Variants in WWOX observed in about 807,000 individuals in gnomAD.
WWOX encodes WW domain containing oxidoreductase.
In WWOX, 69 loss-of-function variants were observed where a neutral mutation model predicts 46.2. The observed-to-expected ratio is 1.49, with a 90% CI of 1.23 to 1.82. The LOEUF is 1.82. Among genes scored for constraint, WWOX ranks in the 40% most tolerant of loss-of-function variants. WWOX has a pLI of 0.00. For missense variants in WWOX, 919 were observed against 542.6 expected (o/e 1.69, Z -6.89); for synonymous variants, 359 against 202.6 (o/e 1.77, Z -6.56).
chr16:78,324,530 C>G (rs1027166467), intron 5 of WWOX, among the ~76,000 whole-genome samples: 3 of 152,068 alleles, frequency 2.0e-5, no homozygotes, highest in Non-Finnish European at 4.4e-5. Context: ...GGAAAAAACC[C>G]TAATGTCCAT....
intron 8 of WWOX, among the ~76,000 whole-genome samples, chr16:78,857,403 G>A (rs1051060779): frequency 6.6e-6 from 1 of 152,258 alleles, no homozygotes; most frequent in Admixed American, 6.5e-5. Context: ...TAAAAAAGAA[G>A]AGTTGTCCTG....
chr16:78,648,709 C>T (rs1051427079), intron 8 of WWOX, among the ~76,000 whole-genome samples: 6 of 152,184 alleles, frequency 3.9e-5, no homozygotes, highest in Non-Finnish European at 7.4e-5. Context: ...AGCCTCCAAT[C>T]GGAGCATACT....
At chr16:79,131,347 G>A (rs2049874445) in intron 8 of WWOX, among the ~76,000 whole-genome samples, 2 of 151,984 alleles carry the variant, frequency 1.3e-5, no homozygotes, top group South Asian at 4.2e-4. Context: ...TGCACATGAG[G>A]ACACAAAGAG....
intron 8 of WWOX, among the ~76,000 whole-genome samples, chr16:78,559,096 G>C (rs1031580693): frequency 2.0e-5 from 3 of 152,194 alleles, no homozygotes; most frequent in African/African-American, 7.2e-5. Context: ...GCTTGGGAGA[G>C]GGACAGTAGT....
At chr16:79,056,639 C>T (rs191506758) in intron 8 of WWOX, among the ~76,000 whole-genome samples, 1 of 152,276 alleles carries the variant, frequency 6.6e-6, no homozygotes. Flanking sequence ...AGCATCCCTT[C>T]CCCCTCTTGT....
At chr16:79,201,762 C>A (rs987742046) in intron 8 of WWOX, among the ~76,000 whole-genome samples, 1 of 149,780 alleles carries the variant, frequency 6.7e-6, no homozygotes, top group Admixed American at 6.7e-5. Flanking sequence ...TGACTTTTTT[C>A]TTCCATCCCT....
intron 8 of WWOX, among the ~76,000 whole-genome samples, chr16:78,823,457 C>T (rs768990672): frequency 1.3e-5 from 2 of 152,190 alleles, no homozygotes; most frequent in Non-Finnish European, 2.9e-5. Context: ...TTATCATCAC[C>T]TGAATGTTCA....
chr16:78,900,809 A>G (rs1282158730), intron 8 of WWOX, among the ~76,000 whole-genome samples: 16 of 151,348 alleles, frequency 1.1e-4, no homozygotes, highest in Non-Finnish European at 2.4e-4. Context: ...TTTGAAGGAT[A>G]TTAAATAAAA....
chr16:78,930,129 A>G (rs900324360), intron 8 of WWOX, among the ~76,000 whole-genome samples: 1 of 151,982 alleles, frequency 6.6e-6, no homozygotes, highest in Non-Finnish European at 1.5e-5. Context: ...GGGGTCTGGC[A>G]GAGAAACAAT....
At chr16:78,893,752 C>T (rs746986783) in intron 8 of WWOX, among the ~76,000 whole-genome samples, 3 of 152,160 alleles carry the variant, frequency 2.0e-5, no homozygotes, top group Non-Finnish European at 4.4e-5. Context: ...GTCTGTCATA[C>T]ATTACGTGCC....
chr16:78,249,104 C>G (rs984650673), intron 5 of WWOX, among the ~76,000 whole-genome samples: 2 of 152,114 alleles, frequency 1.3e-5, no homozygotes, highest in Admixed American at 6.5e-5. Context: ...CCTCCCACCT[C>G]GACCTCCCAA....
At chr16:78,184,719 G>A (rs1047016852) in intron 5 of WWOX, among the ~76,000 whole-genome samples, 1 of 152,022 alleles carries the variant, frequency 6.6e-6, no homozygotes, top group African/African-American at 2.4e-5. Flanking sequence ...TTTATGGTCG[G>A]TAATGCAACC....
intron 8 of WWOX, among the ~76,000 whole-genome samples, chr16:78,919,248 A>G (rs972158979): frequency 6.6e-6 from 1 of 151,956 alleles, no homozygotes; most frequent in Non-Finnish European, 1.5e-5. Context: ...TCTGGCAGAG[A>G]CACCCCCCCA....
chr16:78,952,361 ATTTTTGTT>A (rs955030041), intron 8 of WWOX, among the ~76,000 whole-genome samples: 4 of 145,634 alleles, frequency 2.7e-5, no homozygotes, highest in Non-Finnish European at 4.5e-5. Flanking sequence ...GCAGTTTTAC[ATTTTTGTT>A]TTTTTGTTTT....
Position 78,936,399 on chromosome 16 carries a change from C to G in WWOX, c.1057-275209C>G, listed in dbSNP as rs1030996851. Among the ~76,000 whole-genome samples, 35 of 152,210 alleles carry G rather than the reference C, an allele frequency of 2.3e-4. No individual in the cohort carries two copies. In the Middle Eastern group the frequency reaches 0.014, roughly 59 times the overall value. On this transcript the variant is annotated intron_variant, in intron 8 of 8. Coordinates refer to ENST00000566780, the MANE Select transcript of WWOX (RefSeq NM_016373.4). ...AACTAACCCAAGCTTTGCATGATCTCCCCAGGATGGGTAAGACTTCTTACT... is the reference window on the plus strand; with the variant it reads ...AACTAACCCAAGCTTTGCATGATCTGCCCAGGATGGGTAAGACTTCTTACT...
At chr16:78,547,542 G>A (rs1003279181) in intron 8 of WWOX, among the ~76,000 whole-genome samples, 2 of 152,162 alleles carry the variant, frequency 1.3e-5, no homozygotes, top group African/African-American at 4.8e-5. Context: ...AGAAAGCCTT[G>A]TGCTTTAGTC....
At chr16:78,590,272 G>T (rs1362944895) in intron 8 of WWOX, among the ~76,000 whole-genome samples, 2 of 152,176 alleles carry the variant, frequency 1.3e-5, no homozygotes, top group Non-Finnish European at 2.9e-5. Context: ...TGTCTGGTGA[G>T]GGCTGCTTTC....
At chr16:78,630,615 T>C (rs2046405906) in intron 8 of WWOX, among the ~76,000 whole-genome samples, 2 of 152,318 alleles carry the variant, frequency 1.3e-5, no homozygotes, top group Non-Finnish European at 1.5e-5. Flanking sequence ...ATTTGGAATC[T>C]TGTACCTGGT....
intron 5 of WWOX, among the ~76,000 whole-genome samples, chr16:78,207,687 G>A (rs949262762): frequency 6.6e-6 from 1 of 150,872 alleles, no homozygotes; most frequent in Non-Finnish European, 1.5e-5. Context: ...TGCATTGCTG[G>A]GATGATGAGG....
Sources: gnomAD v4.1 joint callset for allele counts (sites outside exome capture counted in the v4.1 genomes callset) on GRCh38, gnomAD v4.1.1 for gene constraint, MANE v1.5 for transcripts, NCBI Gene and HGNC (gene_info 2026-07-23, HGNC 2026-07-21) for gene names.